PIK3R4: variants seen among roughly 807,000 people sequenced by gnomAD.
PIK3R4 encodes the protein phosphoinositide-3-kinase regulatory subunit 4, also known as phosphoinositide 3-kinase regulatory subunit 4.
Under a neutral mutation model 136.5 loss-of-function variants are expected in PIK3R4, and 46 were observed. That is an observed-to-expected ratio of 0.34 (90% CI 0.27 to 0.43). PIK3R4 has a LOEUF of 0.43. PIK3R4 is among the 20% of genes least tolerant of loss of function. The pLI, the probability that PIK3R4 is intolerant of heterozygous loss-of-function variation, is 1.00. For missense variants in PIK3R4, 1,331 were observed against 1,649.5 expected (o/e 0.81, Z 3.35); for synonymous variants, 557 against 566.7 (o/e 0.98, Z 0.24).
chr3:130,683,459 G>C (rs1369474449), intron 16 of PIK3R4, among the ~76,000 whole-genome samples: 1 of 152,280 alleles, frequency 6.6e-6, no homozygotes, highest in East Asian at 1.9e-4. Context: ...GGAGAACCAA[G>C]AGAAATGTCC....
intron 19 of PIK3R4, chr3:130,680,371 C>G (rs2066450298): frequency 1.4e-5 from 3 of 215,834 alleles, no homozygotes. Context: ...AATAAAAGTG[C>G]TTCCTTACGA....
Position 130,679,449 on chromosome 3 carries a change from C to T in PIK3R4, c.3943G>A (p.Asp1315Asn). 1.9e-6 allele frequency: 3 copies of T among 1,612,836 alleles called. No individual in the cohort carries two copies. Among genetic ancestry groups the T allele is most frequent in the Non-Finnish European group, 2.5e-6 (3 of 1,179,158 alleles). The change falls in exon 20 of 20, where the codon GAC becomes AAC. Residue 1315 changes from aspartate to asparagine, a missense_variant. Around this residue, in one of 2 missense-constraint regions of PIK3R4, gnomAD observed 1,180 missense variants for 1,407.0 expected, o/e 0.84. Coordinates refer to ENST00000356763, the MANE Select transcript of PIK3R4 (RefSeq NM_014602.3). ...QNKQKVGPSDDTPRRGPESLP... is the reference protein window; with the variant it reads ...QNKQKVGPSDNTPRRGPESLP... ...GACTCTGGGCCCCTTCGAGGGGTGTCATCACTTGGTCCTACTTTCTGCTTA... is the reference window on the plus strand; with the variant it reads ...GACTCTGGGCCCCTTCGAGGGGTGTTATCACTTGGTCCTACTTTCTGCTTA...
At chr3:130,717,467 T>C (rs1197039063) in intron 8 of PIK3R4, among the ~76,000 whole-genome samples, 2 of 152,128 alleles carry the variant, frequency 1.3e-5, no homozygotes, top group East Asian at 1.9e-4. Flanking sequence ...TAAACTTTTC[T>C]AAAAAGGCAT....
At chr3:130,681,828 A>G (rs2066460482) in intron 16 of PIK3R4, among the ~76,000 whole-genome samples, 1 of 152,166 alleles carries the variant, frequency 6.6e-6, no homozygotes, top group South Asian at 2.1e-4. Flanking sequence ...CAAAGCAGAA[A>G]AATTCCCAGT....
At chr3:130,682,116 C>T (rs1434704990) in intron 16 of PIK3R4, among the ~76,000 whole-genome samples, 2 of 152,132 alleles carry the variant, frequency 1.3e-5, no homozygotes, top group African/African-American at 2.4e-5. Flanking sequence ...AAGTCCTATC[C>T]CCTGGAACCT....
At chr3:130,695,837 G>C (rs2066542985) in intron 13 of PIK3R4, among the ~76,000 whole-genome samples, 1 of 152,128 alleles carries the variant, frequency 6.6e-6, no homozygotes, top group African/African-American at 2.4e-5. Context: ...AGGGGTCTTG[G>C]ATTGTCTCTT....
At chr3:130,707,211 G>A in intron 10 of PIK3R4, 76 bp from the exon 11 acceptor site, 1 of 998,464 alleles carries the variant, frequency 1.0e-6, no homozygotes. Context: ...GCCTTTGGAG[G>A]GGACAGTAGA....
chr3:130,714,914 G>T (rs570118514), intron 9 of PIK3R4, among the ~76,000 whole-genome samples: 2 of 152,056 alleles, frequency 1.3e-5, no homozygotes, highest in Non-Finnish European at 2.9e-5. Context: ...ACATATATGT[G>T]CATGTGTCTT....
intron 2 of PIK3R4, 74 bp from the exon 3 acceptor site, chr3:130,736,076 C>A (rs1236520216): frequency 2.4e-6 from 3 of 1,255,180 alleles, no homozygotes; most frequent in Admixed American, 5.0e-5. Flanking sequence ...AGAACTCAGA[C>A]AGTTCATAAA....
At chr3:130,744,185 G>A (rs2066840529) in intron 2 of PIK3R4, among the ~76,000 whole-genome samples, 1 of 152,138 alleles carries the variant, frequency 6.6e-6, no homozygotes. Flanking sequence ...ACTTTAAAAT[G>A]GAAGCATTAT....
chr3:130,702,809 G>A (rs1022514418), intron 13 of PIK3R4, among the ~76,000 whole-genome samples: 36 of 152,190 alleles, frequency 2.4e-4, no homozygotes, highest in African/African-American at 8.7e-4. Flanking sequence ...AAGTCTTAGG[G>A]ATTTGAAGTC....
intron 17 of PIK3R4, among the ~76,000 whole-genome samples, 187 bp downstream of exon 17, chr3:130,681,304 C>G (rs961088467): frequency 6.6e-6 from 1 of 152,098 alleles, no homozygotes; most frequent in Non-Finnish European, 1.5e-5. Flanking sequence ...ACTTATTTAC[C>G]CAATAATGCA....
chr3:130,720,541 A>G (rs1358915933), intron 7 of PIK3R4, among the ~76,000 whole-genome samples: 1 of 152,228 alleles, frequency 6.6e-6, no homozygotes, highest in Non-Finnish European at 1.5e-5. Context: ...TGGGAAAAGT[A>G]TAGTTTTTAA....
chr3:130,722,098 T>C (rs2066704325), intron 7 of PIK3R4, among the ~76,000 whole-genome samples: 1 of 152,150 alleles, frequency 6.6e-6, no homozygotes, highest in Admixed American at 6.5e-5. Context: ...ATGAGAGAGA[T>C]GTATATAGTC....
intron 16 of PIK3R4, among the ~76,000 whole-genome samples, chr3:130,683,373 A>T (rs142172925): frequency 3.3e-5 from 5 of 152,318 alleles, no homozygotes; most frequent in Non-Finnish European, 7.4e-5. Flanking sequence ...AGTGGTTGAG[A>T]CCAAAGACTG....
At chr3:130,710,076 T>C (rs901810863) in intron 9 of PIK3R4, among the ~76,000 whole-genome samples, 1 of 151,848 alleles carries the variant, frequency 6.6e-6, no homozygotes, top group Non-Finnish European at 1.5e-5. Flanking sequence ...AAAAACAAAT[T>C]GACAAGAACA....
At chr3:130,680,522 G>T (rs549909195) in intron 19 of PIK3R4, 91 bp downstream of exon 19, 1 of 600,412 alleles carries the variant, frequency 1.7e-6, no homozygotes, top group Non-Finnish European at 2.9e-6. Flanking sequence ...AGTACTCCTC[G>T]CTTGGTCAAG....
At chr3:130,716,623 T>C (rs939558672) in intron 8 of PIK3R4, 24 bp from the exon 9 acceptor site, 2 of 1,478,666 alleles carry the variant, frequency 1.4e-6, no homozygotes, top group African/African-American at 1.4e-5. Flanking sequence ...ATAAAAAGGA[T>C]CAGCCAAAAA....
intron 3 of PIK3R4, 119 bp from the exon 4 acceptor site, chr3:130,734,249 G>C (rs2066774342): frequency 2.7e-6 from 2 of 743,880 alleles, no homozygotes; most frequent in South Asian, 3.9e-5. Context: ...TGACTGCTAA[G>C]TGATTTGTGA....
Sources: gnomAD v4.1 joint callset for allele counts (sites outside exome capture counted in the v4.1 genomes callset) on GRCh38, gnomAD v4.1.1 for gene constraint, gnomAD v4.1.1 regional missense constraint, MANE v1.5 for transcripts, NCBI Gene and HGNC (gene_info 2026-07-23, HGNC 2026-07-21) for gene names.